MCF2: variants seen among roughly 807,000 people sequenced by gnomAD.
The protein encoded by MCF2 is proto-oncogene DBL.
MCF2 carries 44 observed loss-of-function variants against 82.5 expected under a neutral mutation model. That is an observed-to-expected ratio of 0.53 (90% CI 0.42 to 0.69). MCF2 has a LOEUF of 0.69. Among genes scored for constraint, MCF2 ranks in the 30% least tolerant of loss-of-function variants. MCF2 has a pLI of 0.00. For synonymous variants in MCF2, 217 were observed against 224.9 expected (o/e 0.96, Z 0.32); for missense variants, 623 against 663.1 (o/e 0.94, Z 0.66).
chrX:139,707,752 A>G (rs1483919620), intron 1 of MCF2, among the ~76,000 whole-genome samples: 2 of 111,765 alleles, frequency 1.8e-5, no homozygotes, highest in African/African-American at 6.5e-5. Flanking sequence ...TGTTATACTA[A>G]TAGTTCCAGG....
At chrX:139,668,290 G>T (rs1440182272) in intron 1 of MCF2, among the ~76,000 whole-genome samples, 1 of 111,621 alleles carries the variant, frequency 9.0e-6, no homozygotes, top group Non-Finnish European at 1.9e-5. Flanking sequence ...ACACCGCTGG[G>T]TTCCAGGATA....
At chrX:139,642,727 T>G (rs982173277) in exon 1 of MCF2, 2 of 1,069,905 alleles carry the variant, frequency 1.9e-6, no homozygotes, top group African/African-American at 3.8e-5. Flanking sequence ...AGCTGACAGA[T>G]CCTTCCCTTC....
intron 1 of MCF2, among the ~76,000 whole-genome samples, chrX:139,636,244 C>T (rs1933211955): frequency 9.1e-6 from 1 of 110,460 alleles, no homozygotes; most frequent in Non-Finnish European, 1.9e-5. Context: ...TTTTTACTCC[C>T]TTAATTTTAG....
intron 15 of MCF2, among the ~76,000 whole-genome samples, chrX:139,604,038 C>T (rs1307808444): frequency 2.7e-5 from 3 of 111,028 alleles, no homozygotes; most frequent in Non-Finnish European, 5.7e-5. Flanking sequence ...AGAGAAACTG[C>T]ATAAGCAGAG....
At chrX:139,601,960 C>G (rs1930584953) in intron 16 of MCF2, among the ~76,000 whole-genome samples, 1 of 111,121 alleles carries the variant, frequency 9.0e-6, no homozygotes, top group Admixed American at 9.6e-5. Flanking sequence ...AAAAGCAACC[C>G]TATTATACCA....
intron 20 of MCF2, 82 bp downstream of exon 24, chrX:139,589,753 C>G: frequency 1.4e-6 from 1 of 698,833 alleles, no homozygotes. Flanking sequence ...GAAATGCGAC[C>G]AAAATTATTT....
chrX:139,662,051 A>G (rs1208090210), intron 1 of MCF2, among the ~76,000 whole-genome samples: 1 of 111,741 alleles, frequency 8.9e-6, no homozygotes, highest in Non-Finnish European at 1.9e-5. Context: ...ATTTACACAC[A>G]GACAGACAGA....
chrX:139,642,453 A>G, intron 1 of MCF2: 1 of 1,211,601 alleles, frequency 8.3e-7, no homozygotes, highest in Non-Finnish European at 1.1e-6. Context: ...CCAGGAGTGC[A>G]GACAGAGCCC....
At chrX:139,668,186 T>C (rs1342306971) in intron 1 of MCF2, among the ~76,000 whole-genome samples, 1 of 111,680 alleles carries the variant, frequency 9.0e-6, no homozygotes, top group Admixed American at 9.5e-5. Flanking sequence ...CATGCCTATC[T>C]TTGTGCCCCA....
chrX:139,676,004 G>T (rs1021041959), intron 1 of MCF2, among the ~76,000 whole-genome samples: 2 of 112,749 alleles, frequency 1.8e-5, no homozygotes, highest in Admixed American at 1.9e-4. Flanking sequence ...TGGCTGCTTT[G>T]TTTACCTACT....
At chrX:139,669,772 G>T (rs968479448) in intron 1 of MCF2, among the ~76,000 whole-genome samples, 1 of 111,711 alleles carries the variant, frequency 9.0e-6, no homozygotes, top group Admixed American at 9.5e-5. Flanking sequence ...AAAAAAACAC[G>T]CTAAGTGAAA....
intron 8 of MCF2, 82 bp from the exon 12 acceptor site, chrX:139,616,555 C>A: frequency 1.9e-6 from 1 of 524,833 alleles, no homozygotes; most frequent in African/African-American, 2.4e-5. Context: ...GAGTGGTTCT[C>A]AGCCTCTGGC....
At chrX:139,617,183 A>G (rs1357423544) in intron 8 of MCF2, among the ~76,000 whole-genome samples, 3 of 111,698 alleles carry the variant, frequency 2.7e-5, no homozygotes, top group Non-Finnish European at 3.8e-5. Flanking sequence ...AGTACAAACC[A>G]TCACCAGTGA....
In MCF2 at chrX:139,588,413, G is replaced by T. The variant is rs766601874; in HGVS notation, c.2396C>A (p.Thr799Lys). ...AATATTTCTTATTTCTTTTAGCCAC[G>T]TCATCTTCACATCTACATTAGAAGC... The change falls in exon 21 of 25, where the codon ACG becomes AAG. Residue 799 changes from threonine (T) to lysine (K), a missense_variant. By Grantham distance (78) the Thr-to-Lys change is moderately conservative (BLOSUM62 -1). Transcript: ENST00000370576. 20 of 1,198,763 alleles carry T rather than the reference G, an allele frequency of 1.7e-5. No individual in the cohort carries two copies. In the South Asian group the frequency reaches 3.2e-4, roughly 19 times the overall value.
chrX:139,695,029 TTTC>T (rs1935353128), intron 1 of MCF2, among the ~76,000 whole-genome samples: 1 of 99,283 alleles, frequency 1.0e-5, no homozygotes, highest in African/African-American at 3.6e-5. Context: ...CTCTGTATTC[TTTC>T]TTTTTTTTTT....
intron 1 of MCF2, among the ~76,000 whole-genome samples, chrX:139,684,722 T>C (rs778303620): frequency 8.9e-6 from 1 of 111,859 alleles, no homozygotes; most frequent in South Asian, 3.7e-4. Context: ...TCACAAGAGA[T>C]CACATATTGT....
chrX:139,615,016 T>C lies in MCF2; in HGVS notation c.1228A>G (p.Ile410Val). Residue 410 changes from isoleucine to valine, a missense_variant, in exon 10 of 25, where the codon ATT becomes GTT. Ile to Val is a conservative substitution (Grantham distance 29). Transcript: ENST00000370576. ...TGCTGGTTCTCAAATATACTTCGAA[T>C]GTTTTCAAGCTTGAGTTGTATAGTC... The C allele has an allele frequency of 1.7e-6, 2 of 1,209,399 alleles. No homozygotes were observed. The highest frequency in any genetic ancestry group is 1.1e-6 in the Non-Finnish European group (1 of 893,722).
At chrX:139,643,909 G>A (rs1003604711), upstream of MCF2, among the ~76,000 whole-genome samples, 3 of 111,467 alleles carry the variant, frequency 2.7e-5, no homozygotes, top group Admixed American at 9.6e-5. Flanking sequence ...TTAATCAGGC[G>A]GGTGCAGTGT....
At chrX:139,643,700 A>C (rs1195366992), upstream of MCF2, among the ~76,000 whole-genome samples, 1 of 110,807 alleles carries the variant, frequency 9.0e-6, no homozygotes, top group Non-Finnish European at 1.9e-5. Flanking sequence ...GGAATACAGA[A>C]AGAGGAGTAT....
Sources: allele counts gnomAD v4.1 joint callset (sites outside exome capture counted in the v4.1 genomes callset), GRCh38; gene constraint gnomAD v4.1.1; transcripts MANE v1.5; gene names NCBI Gene and HGNC (gene_info 2026-07-23, HGNC 2026-07-21).